The following ETFB variants were observed in gnomAD, a reference collection of about 807,000 sequenced individuals.
ETFB encodes electron transfer flavoprotein subunit beta.
ETFB carries 20 observed loss-of-function variants against 25.6 expected under a neutral mutation model. The observed-to-expected ratio is 0.78, with a 90% confidence interval of 0.55 to 1.14. ETFB has a LOEUF of 1.14. ETFB is among the 50% of genes most tolerant of loss of function. ETFB has a pLI of 0.00. For missense variants in ETFB, 286 were observed against 342.6 expected (o/e 0.83, Z 1.30); for synonymous variants, 142 against 146.7 (o/e 0.97, Z 0.23).
chr19:51,351,523 C>G (rs900826517), intron 3 of ETFB, among the ~76,000 whole-genome samples: 4 of 152,226 alleles, frequency 2.6e-5, no homozygotes, highest in African/African-American at 9.6e-5. Flanking sequence ...AGGAACTGTC[C>G]CTGGCCCAGG....
chr19:51,364,972 C>T (rs1400051174), intron 1 of ETFB, among the ~76,000 whole-genome samples: 1 of 152,064 alleles, frequency 6.6e-6, no homozygotes, highest in Non-Finnish European at 1.5e-5. Context: ...GCGGGTGGAT[C>T]ACCTGAGGTC....
rs539864872 is a variant in ETFB, at chr19:51,352,250, C to T, written c.375+882G>A. On this transcript the variant is annotated intron_variant, in intron 3 of 5. Coordinates refer to ENST00000309244, the MANE Select transcript of ETFB (RefSeq NM_001985.3). ...GGCTCTTTCTGCACCTAGTGCTGAT[C>T]CCACCCCTCTTCTGCTCATAGAACT... Among the ~76,000 whole-genome samples the T allele has an allele frequency of 2.0e-5, 3 of 152,184 alleles. No individual in the cohort carries two copies. The South Asian group carries it at 6.2e-4, about 32-fold the overall frequency.
intron 1 of ETFB, among the ~76,000 whole-genome samples, chr19:51,363,522 C>T (rs975638067): frequency 1.3e-5 from 2 of 152,100 alleles, no homozygotes; most frequent in Admixed American, 1.3e-4. Context: ...AATCCTGGCT[C>T]ACTGCAACCT....
At position 51,347,561 on chromosome 19, in the gene ETFB, T is replaced by A. The variant is rs549210346; in HGVS notation, c.439-503A>T. ...TGGGCAGACAACAGAACTGTGTGTG[T>A]CCACACCAGTCCTTAAACCACCTTC... On this transcript the variant is annotated intron_variant, in intron 4 of 5. Transcript: ENST00000309244. 7 of 163,674 alleles carry A rather than the reference T, an allele frequency of 4.3e-5. No homozygotes were observed. The South Asian group carries it at 1.1e-3, about 26-fold the overall frequency. The allele number at this position is 163,674 out of a possible 1,614,324, so 10.1% of individuals were successfully genotyped here.
chr19:51,345,515 C>G, intron 5 of ETFB, 134 bp from the exon 6 acceptor site: 1 of 892,704 alleles, frequency 1.1e-6, no homozygotes, highest in Non-Finnish European at 1.8e-6. Flanking sequence ...CTGGCCAGGA[C>G]ACGCGAAACT....
chr19:51,364,080 T>C (rs1477378771), intron 1 of ETFB, among the ~76,000 whole-genome samples: 1 of 151,796 alleles, frequency 6.6e-6, no homozygotes, highest in African/African-American at 2.4e-5. Flanking sequence ...GAGCTCTGGG[T>C]GCAGAAAGGC....
intron 1 of ETFB, among the ~76,000 whole-genome samples, chr19:51,357,840 G>GA (rs1482564149): frequency 2.0e-5 from 3 of 152,112 alleles, no homozygotes; most frequent in South Asian, 4.1e-4. Context: ...GAGAAAATTG[G>GA]AAAAGGATGA....
intron 1 of ETFB, among the ~76,000 whole-genome samples, chr19:51,358,393 G>A (rs537922543): frequency 3.9e-5 from 6 of 152,280 alleles, no homozygotes; most frequent in South Asian, 4.1e-4. Context: ...GAGACCGGGC[G>A]CAGTGGCTCC....
intron 1 of ETFB, among the ~76,000 whole-genome samples, chr19:51,358,156 T>A (rs1026912701): frequency 3.3e-5 from 5 of 152,228 alleles, no homozygotes; most frequent in Non-Finnish European, 7.3e-5. Flanking sequence ...TTCTCCCATG[T>A]GGCCGCCACC....
rs183159891 is a variant in ETFB, at chr19:51,354,273, C to G, written c.93G>C (p.Thr31=). ...GGTTCATGGAGTGCTTCACACCATC[C>G]GTGACCACACCGGTCCTGTCAGGCT... ...RVKPDRTGVV[T]DGVKHSMNPF... Residue 31 remains threonine, a synonymous_variant, in exon 2 of 6, where the codon ACG becomes ACC. Coordinates refer to ENST00000309244, the MANE Select transcript of ETFB (RefSeq NM_001985.3). 44 of 1,614,180 alleles carry G rather than the reference C, an allele frequency of 2.7e-5. No individual in the cohort carries two copies. In the East Asian group the frequency reaches 7.6e-4, roughly 28 times the overall value.
intron 1 of ETFB, among the ~76,000 whole-genome samples, chr19:51,359,567 T>TAA (rs1481880418): frequency 6.6e-6 from 1 of 151,218 alleles, no homozygotes; most frequent in Non-Finnish European, 1.5e-5. Context: ...GGAGAAAGGG[T>TAA]AAGAACTTTC....
rs949269058 is a variant in ETFB at position 51,366,313 on chromosome 19, C to A, written c.14G>T (p.Arg5Leu). Residue 5 changes from arginine to leucine, a missense_variant, in exon 1 of 6, where the codon CGC becomes CTC. By Grantham distance (102) the Arg-to-Leu change is moderately radical. Transcript: ENST00000309244. MAEL[R>L]VLVAVKRVID... The stretch of plus-strand genomic sequence containing the variant: ...GACCCTCTTGACAGCTACGAGCACG[C>A]GCAGCTCCGCCATCTTCCCGCCGCA... The A allele has an allele frequency of 6.2e-7, 1 of 1,612,808 alleles. No individual in the cohort carries two copies.
At chr19:51,362,212 C>A (rs955506487) in intron 1 of ETFB, among the ~76,000 whole-genome samples, 4 of 149,912 alleles carry the variant, frequency 2.7e-5, no homozygotes, top group Non-Finnish European at 5.9e-5. Context: ...CACGAATACA[C>A]TCTGAGCACA....
intron 3 of ETFB, 50 bp from the exon 4 acceptor site, chr19:51,350,441 A>G (rs1471269704): frequency 1.0e-6 from 1 of 970,198 alleles, no homozygotes; most frequent in South Asian, 1.3e-5. Flanking sequence ...GAGCTCATGG[A>G]CCATTCAGGC....
intron 1 of ETFB, among the ~76,000 whole-genome samples, chr19:51,361,151 G>C (rs761004161): frequency 6.6e-6 from 1 of 151,830 alleles, no homozygotes; most frequent in South Asian, 2.1e-4. Context: ...GGCTGGTCTC[G>C]AACTCCTGAC....
At chr19:51,365,585 T>A (rs926707944) in intron 1 of ETFB, 1 of 154,972 alleles carries the variant, frequency 6.5e-6, no homozygotes, top group African/African-American at 2.4e-5. Flanking sequence ...AGAGACCGTG[T>A]CTGATTCACC....
downstream of ETFB, chr19:51,345,158 G>T: frequency 6.3e-7 from 1 of 1,576,020 alleles, no homozygotes; most frequent in Non-Finnish European, 8.7e-7. Flanking sequence ...TAGGAAATAA[G>T]TTAACAGAGA....
chr19:51,349,935 C>T (rs184455855), intron 4 of ETFB, among the ~76,000 whole-genome samples: 21 of 151,994 alleles, frequency 1.4e-4, no homozygotes, highest in Non-Finnish European at 3.1e-4. Context: ...TTAGTGGAGA[C>T]GAGGTTTCAA....
intron 4 of ETFB, among the ~76,000 whole-genome samples, chr19:51,349,425 A>T (rs988946946): frequency 6.7e-6 from 1 of 149,754 alleles, no homozygotes; most frequent in Admixed American, 6.6e-5. Context: ...AAAAATTTTA[A>T]ATTTGTCTAT....
Sources: gnomAD v4.1 joint callset for allele counts (sites outside exome capture counted in the v4.1 genomes callset) on GRCh38, gnomAD v4.1.1 for gene constraint, MANE v1.5 for transcripts, NCBI Gene and HGNC (gene_info 2026-07-23, HGNC 2026-07-21) for gene names.